The following SASH1 variants were observed in gnomAD, a reference collection of about 807,000 sequenced individuals.
SASH1 encodes SAM and SH3 domain containing 1.
Under a neutral mutation model 125.2 loss-of-function variants are expected in SASH1, and 44 were observed. The ratio of observed to expected loss-of-function variants is 0.35; its 90% CI spans 0.28 to 0.45. The LOEUF is 0.45. Ranked by LOEUF, SASH1 falls within the 20% of genes least tolerant of loss-of-function variation. The pLI, the probability that SASH1 is intolerant of heterozygous loss-of-function variation, is 1.00. For synonymous variants in SASH1, 639 were observed against 649.1 expected (o/e 0.98, Z 0.24); for missense variants, 1,426 against 1,614.5 (o/e 0.88, Z 2.00).
intron 11 of SASH1, among the ~76,000 whole-genome samples, chr6:148,527,017 C>T (rs192594228): frequency 2.4e-4 from 37 of 152,208 alleles, no homozygotes; most frequent in Middle Eastern, 3.4e-3. Context: ...GGACTACAGA[C>T]GCCCACCACC....
At chr6:148,238,911 G>A in the SASH1 span, among the ~76,000 whole-genome samples, 1 of 152,116 alleles carries the variant, frequency 6.6e-6, no homozygotes, top group Admixed American at 6.5e-5. Context: ...TCTGGGATAC[G>A]CTGTCATTCA....
chr6:148,250,579 A>AAAAAAAAACTGTATT, the SASH1 span, among the ~76,000 whole-genome samples: 1 of 152,052 alleles, frequency 6.6e-6, no homozygotes, highest in Non-Finnish European at 1.5e-5. Context: ...TCTTAAAAAA[A>AAAAAAAAACTGTATT]AAAAAAAAAA....
chr6:148,284,299 C>T (rs553233345), intron 1 of SASH1, among the ~76,000 whole-genome samples: 7 of 152,086 alleles, frequency 4.6e-5, no homozygotes, highest in South Asian at 4.2e-4. Context: ...ACTAGCCAGG[C>T]GTGGTGGCAC....
intron 1 of SASH1, among the ~76,000 whole-genome samples, chr6:148,346,611 A>G (rs1255638112): frequency 6.6e-6 from 1 of 152,218 alleles, no homozygotes; most frequent in Admixed American, 6.5e-5. Context: ...TGTTGAAAGA[A>G]AAAGGGGAAA....
chr6:148,289,861 GTTTTTTTTTTTTT>G (rs144013796), intron 1 of SASH1, among the ~76,000 whole-genome samples: 2 of 85,894 alleles, frequency 2.3e-5, no homozygotes, highest in Non-Finnish European at 4.3e-5. Context: ...TTTTGGTTGT[GTTTTTTTTTTTTT>G]TTTTTTTTTT....
upstream of SASH1, chr6:148,342,492 AGGC>A (rs1781358110): frequency 6.6e-6 from 1 of 152,152 alleles, no homozygotes. Flanking sequence ...CTCCTGTCCG[AGGC>A]TCATTTCCAT....
At chr6:148,512,628 A>AT (rs1274474770) in intron 8 of SASH1, 2 of 983,046 alleles carry the variant, frequency 2.0e-6, no homozygotes, top group Non-Finnish European at 2.4e-6. Flanking sequence ...TATTATTCTA[A>AT]TTTTTTATAT....
chr6:148,512,266 C>T (rs1780190828), intron 8 of SASH1, among the ~76,000 whole-genome samples: 1 of 152,152 alleles, frequency 6.6e-6, no homozygotes, highest in African/African-American at 2.4e-5. Context: ...GATCCTCCCA[C>T]CTCGGCCTCC....
intron 2 of SASH1, among the ~76,000 whole-genome samples, chr6:148,429,496 A>G (rs937318863): frequency 6.6e-6 from 1 of 151,716 alleles, no homozygotes; most frequent in Non-Finnish European, 1.5e-5. Context: ...CACACTTCTA[A>G]TCCCATCATT....
At chr6:148,216,500 T>G in the SASH1 span, among the ~76,000 whole-genome samples, 1 of 152,160 alleles carries the variant, frequency 6.6e-6, no homozygotes, top group African/African-American at 2.4e-5. Context: ...TCTAATACCA[T>G]GAACAAAAAC....
chr6:148,338,771 G>A (rs1054389159), upstream of SASH1, among the ~76,000 whole-genome samples: 19 of 151,652 alleles, frequency 1.3e-4, no homozygotes, highest in Non-Finnish European at 2.1e-4. Flanking sequence ...TTGGGAGGCC[G>A]AGGCAGGTGG....
intron 8 of SASH1, among the ~76,000 whole-genome samples, chr6:148,501,743 C>A (rs12204885): frequency 3.3e-5 from 5 of 152,274 alleles, no homozygotes; most frequent in South Asian, 2.1e-4. Flanking sequence ...TCTCTCCCCC[C>A]ACCCATTCAG....
chr6:148,321,673 C>CTTAT (rs1780637184), intron 1 of SASH1, among the ~76,000 whole-genome samples: 1 of 152,182 alleles, frequency 6.6e-6, no homozygotes. Context: ...GGATTTACAA[C>CTTAT]TTATTTTCAC....
At chr6:148,425,679 TTCCCC>T (rs1180563230) in intron 2 of SASH1, among the ~76,000 whole-genome samples, 76 of 147,204 alleles carry the variant, frequency 5.2e-4, no homozygotes, top group Non-Finnish European at 9.7e-4. Flanking sequence ...TTTTTTCTCT[TTCCCC>T]TCCCCTCCCC....
intron 12 of SASH1, among the ~76,000 whole-genome samples, chr6:148,528,294 A>G (rs150542018): frequency 1.4e-3 from 213 of 152,138 alleles, no homozygotes; most frequent in African/African-American, 4.5e-3. Flanking sequence ...TGACCATTCA[A>G]TTTTCAAGAC....
At chr6:148,244,575 G>T in the SASH1 span, among the ~76,000 whole-genome samples, 1 of 152,196 alleles carries the variant, frequency 6.6e-6, no homozygotes, top group South Asian at 2.1e-4. Context: ...GTGGGAGGCA[G>T]AGGAAGGTAC....
At chr6:148,406,018 A>C (rs1784356310) in intron 2 of SASH1, among the ~76,000 whole-genome samples, 1 of 152,224 alleles carries the variant, frequency 6.6e-6, no homozygotes, top group Non-Finnish European at 1.5e-5. Flanking sequence ...CATTTTCTGC[A>C]GGCAGAGATG....
At chr6:148,251,873 C>T in the SASH1 span, among the ~76,000 whole-genome samples, 2 of 136,850 alleles carry the variant, frequency 1.5e-5, no homozygotes, top group Non-Finnish European at 3.1e-5. Context: ...TGATGTTCCC[C>T]TTCCTGTGTC....
At chr6:148,523,393 C>T (rs1441264151) in intron 10 of SASH1, among the ~76,000 whole-genome samples, 3 of 152,198 alleles carry the variant, frequency 2.0e-5, no homozygotes, top group African/African-American at 7.2e-5. Flanking sequence ...CATAACATTG[C>T]TTACCCAGTT....
Sources: allele counts gnomAD v4.1 joint callset (sites outside exome capture counted in the v4.1 genomes callset), GRCh38; gene constraint gnomAD v4.1.1; transcripts MANE v1.5; gene names NCBI Gene and HGNC (gene_info 2026-07-23, HGNC 2026-07-21).